The following CCDC178 variants were observed in gnomAD, a reference collection of about 807,000 sequenced individuals.
The protein encoded by CCDC178 is coiled-coil domain containing 178.
CCDC178 carries 126 observed loss-of-function variants against 117.4 expected under a neutral mutation model. The ratio of observed to expected loss-of-function variants is 1.07; its 90% CI spans 0.93 to 1.24. The LOEUF (loss-of-function observed/expected upper bound fraction) is 1.24. CCDC178 is among the 50% of genes most tolerant of loss of function. The pLI is 0.00. For missense variants in CCDC178, 1,030 were observed against 986.9 expected, an observed-to-expected ratio of 1.04 and a Z score of -0.59; for synonymous variants, 283 against 313.4, an observed-to-expected ratio of 0.90 and a Z score of 1.02.
chr18:33,208,209 T>TA lies in CCDC178; in HGVS notation c.2238+3686dup, dbSNP rs535106719. Among the ~76,000 whole-genome samples, 6 of 152,058 alleles carry TA rather than the reference T, an allele frequency of 3.9e-5. No individual in the cohort carries two copies. The South Asian group carries it at 1.0e-3, about 26-fold the overall frequency. On this transcript the variant is annotated intron_variant, in intron 20 of 22. Coordinates refer to ENST00000383096, the MANE Select transcript of CCDC178 (RefSeq NM_001105528.4). Reference sequence around the variant, plus strand: ...AATTATGTAAAACATGTTCCTAACTTAAAAAAAATTCATGTTACAGTAAAA... The same window carrying TA: ...AATTATGTAAAACATGTTCCTAACTTAAAAAAAAATTCATGTTACAGTAAAA...
intron 11 of CCDC178, among the ~76,000 whole-genome samples, chr18:33,303,025 T>G (rs987699183): frequency 6.6e-6 from 1 of 152,164 alleles, no homozygotes; most frequent in South Asian, 2.1e-4. Context: ...GTTCCCAACA[T>G]GAGAAACAGT....
intron 21 of CCDC178, among the ~76,000 whole-genome samples, chr18:32,983,511 A>C (rs1241226667): frequency 6.6e-6 from 1 of 152,226 alleles, no homozygotes; most frequent in South Asian, 2.1e-4. Flanking sequence ...TATCCTGTAG[A>C]TTTGCATTTG....
At chr18:33,160,081 G>T (rs1237388960) in intron 20 of CCDC178, among the ~76,000 whole-genome samples, 1 of 152,032 alleles carries the variant, frequency 6.6e-6, no homozygotes, top group Non-Finnish European at 1.5e-5. Context: ...TTCAAGAGAG[G>T]AAAGCATTGG....
chr18:33,339,431 T>C (rs1013285521), intron 9 of CCDC178, among the ~76,000 whole-genome samples: 17 of 151,168 alleles, frequency 1.1e-4, no homozygotes, highest in African/African-American at 4.1e-4. Flanking sequence ...ATTACAGAAA[T>C]TAATTATAAG....
At chr18:33,271,529 A>C (rs1000188303) in intron 12 of CCDC178, among the ~76,000 whole-genome samples, 1 of 151,558 alleles carries the variant, frequency 6.6e-6, no homozygotes, top group Non-Finnish European at 1.5e-5. Context: ...ACAAACAAAG[A>C]ATTACATTTT....
chr18:33,033,238 G>T (rs1479207644), intron 21 of CCDC178, among the ~76,000 whole-genome samples: 1 of 152,042 alleles, frequency 6.6e-6, no homozygotes, highest in African/African-American at 2.4e-5. Flanking sequence ...ATTTAGTGTT[G>T]TGAGTCTTAA....
chr18:33,253,432 G>C (rs2059639798), intron 14 of CCDC178, among the ~76,000 whole-genome samples: 2 of 151,754 alleles, frequency 1.3e-5, no homozygotes, highest in African/African-American at 4.8e-5. Context: ...TGTTTCATGG[G>C]GATATTCACT....
At chr18:33,416,258 T>C (rs1158457785) in intron 2 of CCDC178, among the ~76,000 whole-genome samples, 3 of 152,018 alleles carry the variant, frequency 2.0e-5, no homozygotes, top group African/African-American at 7.2e-5. Context: ...AAACCCCGTC[T>C]CTACTAAAAA....
chr18:33,061,534 T>G (rs2056920279), intron 21 of CCDC178, among the ~76,000 whole-genome samples: 1 of 152,140 alleles, frequency 6.6e-6, no homozygotes, highest in South Asian at 2.1e-4. Context: ...ATCGTACACT[T>G]TTTATTTAAC....
chr18:33,394,943 G>GTA (rs61298209), intron 4 of CCDC178, among the ~76,000 whole-genome samples: 1,040 of 61,428 alleles, frequency 0.017, 27 homozygotes, highest in African/African-American at 0.019. Context: ...ATATGTATGT[G>GTA]TATATATATA....
intron 15 of CCDC178, among the ~76,000 whole-genome samples, chr18:33,244,823 C>T (rs1344231530): frequency 6.6e-6 from 1 of 151,872 alleles, no homozygotes; most frequent in East Asian, 1.9e-4. Context: ...CTACAAATTT[C>T]CAGGTACTCT....
chr18:33,127,436 T>C (rs1401928079), intron 20 of CCDC178, among the ~76,000 whole-genome samples: 1 of 152,088 alleles, frequency 6.6e-6, no homozygotes, highest in Non-Finnish European at 1.5e-5. Context: ...ATCAGTTTTT[T>C]TGTTTGTTTG....
At chr18:33,306,950 AG>A (rs1468265533) in intron 11 of CCDC178, among the ~76,000 whole-genome samples, 1 of 152,138 alleles carries the variant, frequency 6.6e-6, no homozygotes, top group Admixed American at 6.5e-5. Flanking sequence ...ATGTGAAGAA[AG>A]ATGTGTTTGC....
intron 20 of CCDC178, among the ~76,000 whole-genome samples, chr18:33,174,527 AG>A (rs1156631208): frequency 6.6e-6 from 1 of 152,196 alleles, no homozygotes; most frequent in Non-Finnish European, 1.5e-5. Context: ...GATTTGGAAT[AG>A]TGAACAGAGA....
At chr18:33,423,460 T>C (rs2064061830) in intron 2 of CCDC178, among the ~76,000 whole-genome samples, 1 of 152,214 alleles carries the variant, frequency 6.6e-6, no homozygotes. Context: ...TTCACTGCTG[T>C]ATAGAATTTT....
At chr18:33,337,711 G>C (rs989850660) in intron 9 of CCDC178, among the ~76,000 whole-genome samples, 13 of 152,146 alleles carry the variant, frequency 8.5e-5, no homozygotes, top group African/African-American at 3.1e-4. Context: ...GCCACATGTA[G>C]AAGAATGAAA....
In CCDC178 at chr18:33,326,396, G is replaced by A. The variant is rs184673226; in HGVS notation, c.880-2763C>T. On this transcript the variant is annotated intron_variant, in intron 10 of 22. Coordinates refer to ENST00000383096, the MANE Select transcript of CCDC178 (RefSeq NM_001105528.4). Reference sequence around the variant, plus strand: ...TTAATCAGCTGCTCAAGAAAGGGAGGGCCAGCCTTTAGCCACAGCCTCAAA... The same window carrying A: ...TTAATCAGCTGCTCAAGAAAGGGAGAGCCAGCCTTTAGCCACAGCCTCAAA... 3.3e-3 allele frequency among the ~76,000 whole-genome samples: 505 copies of A among 152,146 alleles called. 10 individuals carry two copies. Among genetic ancestry groups the A allele is most frequent in the Middle Eastern group, 6.8e-3 (2 of 292 alleles).
chr18:33,053,367 A>G (rs752159109), intron 21 of CCDC178, among the ~76,000 whole-genome samples: 8 of 152,238 alleles, frequency 5.3e-5, no homozygotes, highest in Non-Finnish European at 1.2e-4. Flanking sequence ...CACATTTATT[A>G]CAGTGATTCA....
At chr18:33,085,663 C>T (rs2057368709) in intron 21 of CCDC178, among the ~76,000 whole-genome samples, 1 of 152,082 alleles carries the variant, frequency 6.6e-6, no homozygotes, top group African/African-American at 2.4e-5. Context: ...AAGTGCCTAG[C>T]ACATATTAGT....
Sources: allele counts gnomAD v4.1 joint callset (sites outside exome capture counted in the v4.1 genomes callset), GRCh38; gene constraint gnomAD v4.1.1; transcripts MANE v1.5; gene names NCBI Gene and HGNC (gene_info 2026-07-23, HGNC 2026-07-21).